CNTN4: variants seen among roughly 807,000 people sequenced by gnomAD.
The protein encoded by CNTN4 is contactin-4.
CNTN4 carries 77 observed loss-of-function variants against 122.5 expected under a neutral mutation model. The observed-to-expected ratio is 0.63, with a 90% confidence interval of 0.52 to 0.76. CNTN4 has a LOEUF of 0.76. CNTN4 is among the 30% of genes least tolerant of loss of function. The probability of loss-of-function intolerance (pLI) is 0.00; values close to 1 mark genes in which losing one functional copy is unlikely to be tolerated. For missense variants in CNTN4, 1,256 were observed against 1,259.1 expected, an observed-to-expected ratio of 1.00 and a Z score of 0.04; for synonymous variants, 512 against 447.0, an observed-to-expected ratio of 1.15 and a Z score of -1.83.
intron 7 of CNTN4, among the ~76,000 whole-genome samples, chr3:2,845,814 C>A (rs2093446742): frequency 6.6e-6 from 1 of 152,200 alleles, no homozygotes; most frequent in Non-Finnish European, 1.5e-5. Context: ...AAGGTTCATG[C>A]TGTTAGCTTT....
At chr3:2,104,223 T>C (rs947353479) in intron 2 of CNTN4, among the ~76,000 whole-genome samples, 1 of 139,020 alleles carries the variant, frequency 7.2e-6, no homozygotes, top group Admixed American at 7.2e-5. Context: ...GTGCCATTTA[T>C]GTCTACGTGT....
chr3:2,621,292 C>G (rs1243965040), intron 4 of CNTN4, among the ~76,000 whole-genome samples: 1 of 152,210 alleles, frequency 6.6e-6, no homozygotes, highest in Non-Finnish European at 1.5e-5. Flanking sequence ...TGCCTATGCT[C>G]CTTTCCACAA....
At chr3:2,498,877 C>T (rs1374727274) in intron 3 of CNTN4, among the ~76,000 whole-genome samples, 1 of 151,236 alleles carries the variant, frequency 6.6e-6, no homozygotes, top group African/African-American at 2.4e-5. Flanking sequence ...GCAACCTCCA[C>T]CTCCCAGGTT....
intron 3 of CNTN4, among the ~76,000 whole-genome samples, chr3:2,567,184 T>C (rs2079205419): frequency 6.6e-6 from 1 of 151,686 alleles, no homozygotes; most frequent in South Asian, 2.1e-4. Context: ...CCTCCTGGGT[T>C]CAAGCCATTC....
chr3:2,170,060 G>A (rs932637095), intron 2 of CNTN4, among the ~76,000 whole-genome samples: 2 of 151,998 alleles, frequency 1.3e-5, no homozygotes, highest in Non-Finnish European at 1.5e-5. Context: ...GGTGGCTCAC[G>A]CCTGTAATCC....
chr3:2,520,992 T>C (rs2149144075), intron 3 of CNTN4, among the ~76,000 whole-genome samples: 1 of 152,274 alleles, frequency 6.6e-6, no homozygotes, highest in East Asian at 1.9e-4. Context: ...CGAAAGTACG[T>C]GCATTCTAGT....
intron 13 of CNTN4, among the ~76,000 whole-genome samples, chr3:2,955,551 A>G (rs2094790812): frequency 6.6e-6 from 1 of 152,176 alleles, no homozygotes; most frequent in South Asian, 2.1e-4. Flanking sequence ...AGTCCCAGGA[A>G]AAGTCTCATT....
At chr3:2,117,406 G>C (rs762177708) in intron 2 of CNTN4, among the ~76,000 whole-genome samples, 2 of 152,188 alleles carry the variant, frequency 1.3e-5, no homozygotes, top group Non-Finnish European at 2.9e-5. Context: ...AAGCTGTCTG[G>C]AAGTGCATCT....
intron 2 of CNTN4, among the ~76,000 whole-genome samples, chr3:2,310,361 C>A (rs2150134502): frequency 6.6e-6 from 1 of 152,268 alleles, no homozygotes; most frequent in Middle Eastern, 3.4e-3. Context: ...GCTATGGGAT[C>A]TGCATGAGAA....
intron 6 of CNTN4, among the ~76,000 whole-genome samples, chr3:2,800,391 T>C (rs772962937): frequency 3.9e-5 from 6 of 152,312 alleles, no homozygotes; most frequent in Admixed American, 2.0e-4. Context: ...TGCAAGAAAA[T>C]AATTTGCTTT....
At chr3:2,127,068 T>G (rs1046766711) in intron 2 of CNTN4, among the ~76,000 whole-genome samples, 1 of 152,058 alleles carries the variant, frequency 6.6e-6, no homozygotes, top group Non-Finnish European at 1.5e-5. Context: ...TTCATCTTTG[T>G]GGTTTGCGTT....
At chr3:2,577,178 C>G (rs1407597667) in intron 4 of CNTN4, among the ~76,000 whole-genome samples, 2 of 152,178 alleles carry the variant, frequency 1.3e-5, no homozygotes, top group African/African-American at 4.8e-5. Context: ...ATAAACTAAA[C>G]TGCTTGGAAG....
chr3:2,765,371 A>T (rs1412591344), intron 6 of CNTN4, among the ~76,000 whole-genome samples: 1 of 152,200 alleles, frequency 6.6e-6, no homozygotes, highest in Non-Finnish European at 1.5e-5. Context: ...AGTAATGCTG[A>T]TAGTGCTTTT....
intron 3 of CNTN4, among the ~76,000 whole-genome samples, chr3:2,530,312 T>C (rs867648902): frequency 1.5e-3 from 227 of 147,478 alleles, no homozygotes; most frequent in Non-Finnish European, 2.7e-3. Flanking sequence ...TCCTCTTCTT[T>C]TTTTTTTTTT....
intron 13 of CNTN4, among the ~76,000 whole-genome samples, chr3:2,950,313 A>C (rs1045702877): frequency 2.0e-5 from 3 of 152,158 alleles, no homozygotes; most frequent in African/African-American, 7.2e-5. Flanking sequence ...TGGCATCTGC[A>C]TCCTCCCAGA....
At chr3:2,248,929 G>A (rs560573005) in intron 2 of CNTN4, among the ~76,000 whole-genome samples, 74 of 152,006 alleles carry the variant, frequency 4.9e-4, no homozygotes, top group African/African-American at 1.7e-3. Flanking sequence ...ATGCAGATAC[G>A]AAAGGTATTC....
intron 12 of CNTN4, 114 bp downstream of exon 12, chr3:2,903,119 A>ACTCTT: frequency 9.6e-7 from 1 of 1,038,560 alleles, no homozygotes; most frequent in Admixed American, 2.2e-5. Context: ...AGAAATCTTT[A>ACTCTT]GGCCAAAGAT....
intron 8 of CNTN4, among the ~76,000 whole-genome samples, chr3:2,881,561 T>G (rs2093910686): frequency 6.7e-6 from 1 of 150,090 alleles, no homozygotes; most frequent in East Asian, 2.0e-4. Flanking sequence ...GCGAAGTGAG[T>G]GAAATCATTT....
chr3:2,808,510 A>C (rs2092524192), intron 6 of CNTN4, among the ~76,000 whole-genome samples: 1 of 152,126 alleles, frequency 6.6e-6, no homozygotes, highest in Admixed American at 6.6e-5. Flanking sequence ...TAAGTCTATC[A>C]GTTATAAAAT....
Sources: gnomAD v4.1 joint callset for allele counts (sites outside exome capture counted in the v4.1 genomes callset) on GRCh38, gnomAD v4.1.1 for gene constraint, MANE v1.5 for transcripts, NCBI Gene and HGNC (gene_info 2026-07-23, HGNC 2026-07-21) for gene names.